TCF4: variants seen among roughly 807,000 people sequenced by gnomAD.
TCF4 encodes SL3-3 enhancer factor 2.
A neutral mutation model predicts 82.1 loss-of-function variants in TCF4; 3 were observed. The observed-to-expected ratio is 0.04, with a 90% confidence interval of 0.02 to 0.09. The LOEUF is 0.09. TCF4 is among the 10% of genes least tolerant of loss of function. The pLI, the probability that TCF4 is intolerant of heterozygous loss-of-function variation, is 1.00. For missense variants in TCF4, 518 were observed against 852.7 expected (o/e 0.61, Z 4.89); for synonymous variants, 276 against 309.6 (o/e 0.89, Z 1.14).
At chr18:55,255,441 A>C (rs1262590159) in intron 14 of TCF4, among the ~76,000 whole-genome samples, 1 of 152,174 alleles carries the variant, frequency 6.6e-6, no homozygotes, top group Non-Finnish European at 1.5e-5. Context: ...TAGAATTCGC[A>C]ACTTTAAACC....
intron 3 of TCF4, among the ~76,000 whole-genome samples, chr18:55,561,096 T>C (rs1433218600): frequency 1.3e-5 from 2 of 152,230 alleles, no homozygotes; most frequent in Non-Finnish European, 2.9e-5. Flanking sequence ...AAGTTCACAA[T>C]TGCACAGACA....
chr18:55,421,426 G>T (rs2094751024), intron 5 of TCF4, among the ~76,000 whole-genome samples: 1 of 152,038 alleles, frequency 6.6e-6, no homozygotes, highest in South Asian at 2.1e-4. Flanking sequence ...AAAAAATAAG[G>T]CCCCGCATAT....
chr18:55,548,813 A>G (rs2097230741), intron 3 of TCF4, among the ~76,000 whole-genome samples: 1 of 152,236 alleles, frequency 6.6e-6, no homozygotes, highest in African/African-American at 2.4e-5. Flanking sequence ...CATTTAAAAT[A>G]TAGTATAAAA....
chr18:55,448,606 T>C (rs944850207), intron 5 of TCF4, among the ~76,000 whole-genome samples: 2 of 152,170 alleles, frequency 1.3e-5, no homozygotes, highest in African/African-American at 4.8e-5. Context: ...ACAGGTGACT[T>C]AGGGGAGGCA....
intron 8 of TCF4, among the ~76,000 whole-genome samples, chr18:55,343,962 A>T (rs2080597504): frequency 6.6e-6 from 1 of 152,182 alleles, no homozygotes; most frequent in Admixed American, 6.5e-5. Context: ...TTAATAATCC[A>T]GTGCAGTTAT....
intron 3 of TCF4, among the ~76,000 whole-genome samples, chr18:55,534,413 C>A (rs1332593515): frequency 6.6e-6 from 1 of 152,206 alleles, no homozygotes; most frequent in Non-Finnish European, 1.5e-5. Context: ...GGGTGCTTTA[C>A]TGAGGAAGAG....
At chr18:55,254,200 C>T (rs140185430) in intron 15 of TCF4, among the ~76,000 whole-genome samples, 89 of 152,194 alleles carry the variant, frequency 5.8e-4, no homozygotes, top group Middle Eastern at 3.4e-3. Flanking sequence ...AGGAAGTAGA[C>T]AAGTGGTTGC....
chr18:55,494,622 GT>G (rs2096613225), intron 3 of TCF4, among the ~76,000 whole-genome samples: 1 of 151,998 alleles, frequency 6.6e-6, no homozygotes, highest in Non-Finnish European at 1.5e-5. Context: ...GACCAAAAGG[GT>G]TTAAGGATGC....
intron 3 of TCF4, among the ~76,000 whole-genome samples, chr18:55,523,770 T>C (rs2096953593): frequency 6.6e-6 from 1 of 152,080 alleles, no homozygotes; most frequent in Non-Finnish European, 1.5e-5. Flanking sequence ...TTTCACTATT[T>C]GCTAAATGTT....
At position 55,234,635 on chromosome 18, in the gene TCF4, G is replaced by A; in HGVS notation, c.1399C>T (p.Leu467Phe). 6.2e-7 allele frequency: 1 copy of A among 1,614,160 alleles called. No individual in the cohort carries two copies. The highest frequency in any genetic ancestry group is 8.5e-7 in the Non-Finnish European group (1 of 1,180,012). The change falls in exon 16 of 20, where the codon CTT (leucine) becomes TTT (phenylalanine). Residue 467 changes from leucine to phenylalanine, a missense_variant. Leu to Phe is a conservative substitution (Grantham distance 22, BLOSUM62 0). Transcript: ENST00000354452. ...DGVALRGSHS[L>F]LPNQVPVPQL... Reference sequence around the variant, plus strand: ...GGAACCGGAACCTGGTTTGGCAGAAGAGAATGGCTGCCTCTCAGGGCCACG... The same window carrying A: ...GGAACCGGAACCTGGTTTGGCAGAAAAGAATGGCTGCCTCTCAGGGCCACG...
At chr18:55,392,216 C>A (rs1332725015) in intron 6 of TCF4, among the ~76,000 whole-genome samples, 1 of 151,366 alleles carries the variant, frequency 6.6e-6, no homozygotes, top group African/African-American at 2.4e-5. Context: ...CCACCCACCT[C>A]GGCCTCCCAA....
At chr18:55,400,858 A>C (rs773613516) in intron 6 of TCF4, 1 of 799,008 alleles carries the variant, frequency 1.3e-6, no homozygotes, top group Non-Finnish European at 1.8e-6. Context: ...TCACCCCTTT[A>C]AGTCCATAGG....
chr18:55,252,155 C>G (rs539500214), intron 15 of TCF4, among the ~76,000 whole-genome samples: 1 of 152,152 alleles, frequency 6.6e-6, no homozygotes, highest in Non-Finnish European at 1.5e-5. Context: ...TCTGGGGACA[C>G]GTTGAATGGT....
At chr18:55,348,849 T>A (rs1005266748) in intron 8 of TCF4, among the ~76,000 whole-genome samples, 2 of 152,140 alleles carry the variant, frequency 1.3e-5, no homozygotes, top group Non-Finnish European at 2.9e-5. Context: ...TATTCCATTG[T>A]TTCAGAACAT....
chr18:55,279,113 AC>A (rs1208123017), intron 9 of TCF4, among the ~76,000 whole-genome samples: 1 of 152,172 alleles, frequency 6.6e-6, no homozygotes, highest in Non-Finnish European at 1.5e-5. Context: ...GTTCTTACCT[AC>A]AAATTAGTAA....
At chr18:55,472,129 G>A (rs1382872234) in intron 3 of TCF4, among the ~76,000 whole-genome samples, 1 of 152,126 alleles carries the variant, frequency 6.6e-6, no homozygotes, top group Non-Finnish European at 1.5e-5. Flanking sequence ...CATTTCTGCT[G>A]CTTAAGATAT....
chr18:55,500,868 C>T (rs1182622258), intron 3 of TCF4, among the ~76,000 whole-genome samples: 1 of 152,136 alleles, frequency 6.6e-6, no homozygotes, highest in Non-Finnish European at 1.5e-5. Context: ...AACAGGGCAG[C>T]AATGTGAACC....
chr18:55,516,075 A>G (rs2096878263), intron 3 of TCF4, among the ~76,000 whole-genome samples: 1 of 152,172 alleles, frequency 6.6e-6, no homozygotes, highest in South Asian at 2.1e-4. Context: ...TGTGTATGTG[A>G]TAAAAGACAA....
intron 2 of TCF4, among the ~76,000 whole-genome samples, chr18:55,604,955 C>A (rs781068990): frequency 3.3e-5 from 5 of 152,136 alleles, no homozygotes; most frequent in Non-Finnish European, 5.9e-5. Context: ...AATTGAAATT[C>A]CAGCCCTTTT....
Sources: allele counts gnomAD v4.1 joint callset (sites outside exome capture counted in the v4.1 genomes callset), GRCh38; gene constraint gnomAD v4.1.1; transcripts MANE v1.5; gene names NCBI Gene and HGNC (gene_info 2026-07-23, HGNC 2026-07-21).